The following GLG1 variants were observed in gnomAD, a reference collection of about 807,000 sequenced individuals.
GLG1 encodes Golgi apparatus protein 1.
Under a neutral mutation model 160.5 loss-of-function variants are expected in GLG1, and 38 were observed. The observed-to-expected ratio is 0.24, with a 90% CI of 0.18 to 0.31. The LOEUF is 0.31. Ranked by LOEUF, GLG1 falls within the 10% of genes least tolerant of loss-of-function variation. The probability of loss-of-function intolerance (pLI) is 1.00; values close to 1 mark genes in which losing one functional copy is unlikely to be tolerated. For missense variants in GLG1, 1,373 were observed against 1,505.2 expected, an observed-to-expected ratio of 0.91 and a Z score of 1.45; for synonymous variants, 644 against 543.4, an observed-to-expected ratio of 1.19 and a Z score of -2.57.
chr16:74,567,517 T>C (rs543648971), intron 1 of GLG1, among the ~76,000 whole-genome samples: 9 of 151,768 alleles, frequency 5.9e-5, no homozygotes, highest in African/African-American at 2.2e-4. Flanking sequence ...AAATCACTGC[T>C]TCCTGTGCTG....
In GLG1 at chr16:74,453,351, C is replaced by G. The variant is rs1049926154; in HGVS notation, c.3373-17G>C. ...TGGGGCCACCTAGAATGACACAAGG[C>G]AATGTGATTCTCTGAGAGAGCACTG... On this transcript the variant is annotated splice_polypyrimidine_tract_variant and intron_variant, in intron 25 of 25. Transcript: ENST00000422840. The G allele has an allele frequency of 6.4e-7, 1 of 1,574,656 alleles. No individual in the cohort carries two copies. Among genetic ancestry groups the G allele is most frequent in the Admixed American group, 1.7e-5 (1 of 59,658 alleles).
intron 1 of GLG1, among the ~76,000 whole-genome samples, chr16:74,554,255 C>G (rs1036058880): frequency 2.6e-5 from 4 of 152,192 alleles, no homozygotes; most frequent in African/African-American, 9.7e-5. Flanking sequence ...GGAGGAGAGC[C>G]AGGCGCCGTG....
Position 74,451,916 on chromosome 16 carries a change from T to C in GLG1, c.*1251A>G, listed in dbSNP as rs1258161607. The C allele has an allele frequency of 1.5e-6, 1 of 660,022 alleles. No homozygotes were observed. The highest frequency in any genetic ancestry group is 2.7e-6 in the Non-Finnish European group (1 of 364,986). 40.9% of individuals were successfully genotyped at this position (660,022 alleles called of 1,614,324 possible). ...AACATTTAGCCAATGCCTACTAGAG[T>C]GGGTACACGCAGCAAATGGACAGAA... On this transcript the variant is annotated 3_prime_UTR_variant, in exon 26 of 26. Coordinates refer to ENST00000422840, the MANE Select transcript of GLG1 (RefSeq NM_001145667.2).
Position 74,448,428 on chromosome 16 carries a change from A to G in GLG1, c.*4739T>C, listed in dbSNP as rs2014151850. 1 of 152,208 alleles carries G rather than the reference A, an allele frequency of 6.6e-6. No individual in the cohort carries two copies. The highest frequency in any genetic ancestry group is 2.4e-5 in the African/African-American group (1 of 41,452). The allele number at this position is 152,208 out of a possible 1,614,324, so 9.4% of individuals were successfully genotyped here. On this transcript the variant is annotated 3_prime_UTR_variant, in exon 26 of 26. Transcript: ENST00000422840. Reference sequence around the variant, plus strand: ...GGTGCTGCCCAAATGGTGAGAAATAAAAGGAAGCATTCTGGCCTTTCAGGT... The same window carrying G: ...GGTGCTGCCCAAATGGTGAGAAATAGAAGGAAGCATTCTGGCCTTTCAGGT...
At chr16:74,456,304 G>C (rs1427882208) in intron 25 of GLG1, among the ~76,000 whole-genome samples, 2 of 152,208 alleles carry the variant, frequency 1.3e-5, no homozygotes, top group Non-Finnish European at 2.9e-5. Context: ...GGCAGCCAAG[G>C]AATTCTAAAA....
At position 74,512,453 on chromosome 16, in the gene GLG1, T is replaced by C. The variant is rs138803845; in HGVS notation, c.472-3528A>G. ...TACATTTTTGAATTTTTAGTAGAGATGGGGTTTCACCATGTTGGCCAGGAT... is the reference window on the plus strand; with the variant it reads ...TACATTTTTGAATTTTTAGTAGAGACGGGGTTTCACCATGTTGGCCAGGAT... On this transcript the variant is annotated intron_variant, in intron 2 of 25. Transcript: ENST00000422840. 7.7e-3 allele frequency among the ~76,000 whole-genome samples: 1,171 copies of C among 151,966 alleles called. 16 individuals are homozygous for C. The highest frequency in any genetic ancestry group is 0.026 in the African/African-American group (1,096 of 41,476).
At chr16:74,490,875 AT>A in intron 8 of GLG1, 125 bp downstream of exon 8, 2 of 673,320 alleles carry the variant, frequency 3.0e-6, no homozygotes, top group South Asian at 3.7e-5. Context: ...GTCTCTGATC[AT>A]TAGTACCTAA....
At position 74,450,525 on chromosome 16, in the gene GLG1, C is replaced by A. The variant is rs1387824060; in HGVS notation, c.*2642G>T. On this transcript the variant is annotated 3_prime_UTR_variant, in exon 26 of 26. Coordinates refer to ENST00000422840, the MANE Select transcript of GLG1 (RefSeq NM_001145667.2). The stretch of plus-strand genomic sequence containing the variant: ...TAAGTAATTGAAGATACTGGCAGAG[C>A]TAACTTTTCTATTCTGACCATTTAT... 1 of 152,204 alleles carries A rather than the reference C, an allele frequency of 6.6e-6. No individual in the cohort carries two copies. The highest frequency in any genetic ancestry group is 1.5e-5 in the Non-Finnish European group (1 of 68,036). The allele number at this position is 152,204 out of a possible 1,614,324, so 9.4% of individuals were successfully genotyped here.
chr16:74,532,190 AAAAATAT>A, intron 1 of GLG1, 37 bp from the exon 2 acceptor site: 4 of 638,846 alleles, frequency 6.3e-6, no homozygotes, highest in Non-Finnish European at 4.3e-6. Context: ...ATGTAAAAAA[AAAAATAT>A]ATATATATAT....
intron 1 of GLG1, among the ~76,000 whole-genome samples, chr16:74,594,839 T>C (rs1400366108): frequency 6.6e-6 from 1 of 152,140 alleles, no homozygotes; most frequent in Non-Finnish European, 1.5e-5. Context: ...GGGTAAATCC[T>C]CTGGGTAAAG....
intron 1 of GLG1, among the ~76,000 whole-genome samples, chr16:74,568,152 A>G (rs1025199261): frequency 3.9e-5 from 6 of 152,328 alleles, no homozygotes; most frequent in South Asian, 2.1e-4. Flanking sequence ...AGACTGTGAA[A>G]GAAGCCAGCC....
At chr16:74,457,837 A>C (rs1376243631) in intron 24 of GLG1, 37 bp downstream of exon 24, 2 of 1,602,982 alleles carry the variant, frequency 1.2e-6, no homozygotes, top group South Asian at 1.1e-5. Flanking sequence ...TTCCCAAGAG[A>C]GTTCAGACAG....
chr16:74,592,404 C>G (rs1958205318), intron 1 of GLG1, among the ~76,000 whole-genome samples: 1 of 152,054 alleles, frequency 6.6e-6, no homozygotes, highest in Non-Finnish European at 1.5e-5. Context: ...TTGGCCTCCC[C>G]AAGTGCTGAG....
intron 7 of GLG1, 37 bp from the exon 8 acceptor site, chr16:74,491,252 G>A (rs1160241068): frequency 2.8e-6 from 4 of 1,408,532 alleles, no homozygotes; most frequent in Non-Finnish European, 4.0e-6. Context: ...TACGAAGGGT[G>A]ATGCTATGTA....
intron 1 of GLG1, among the ~76,000 whole-genome samples, chr16:74,532,588 A>G (rs1236814220): frequency 3.9e-5 from 6 of 152,036 alleles, no homozygotes; most frequent in Non-Finnish European, 7.4e-5. Flanking sequence ...CAGTGGCGCA[A>G]TCATGGCTCA....
rs1954718920 is a variant in GLG1, at chr16:74,491,192, G to A, written c.1258C>T (p.Gln420Ter). The part of the protein sequence containing the change: ...HRGRQVSSEC[Q>*]GEMLDYRRML... ...CGTCGGTAATCCAGCATCTCCCCCT[G>A]GCACTCACTGCTGACTTGTCGCCCT... The change falls in exon 8 of 26, where the codon CAG (glutamine) becomes TAG (stop). Residue 420 changes from glutamine (Q) to a stop codon, truncating the protein, a stop_gained. Coordinates refer to ENST00000422840, the MANE Select transcript of GLG1 (RefSeq NM_001145667.2). LOFTEE classifies it high-confidence loss of function. 1 of 1,613,644 alleles carries A rather than the reference G, an allele frequency of 6.2e-7. No homozygotes were observed. The highest frequency in any genetic ancestry group is 1.1e-5 in the South Asian group (1 of 91,058).
chr16:74,486,028 T>A, intron 8 of GLG1, 111 bp from the exon 9 acceptor site: 1 of 780,444 alleles, frequency 1.3e-6, no homozygotes, highest in Non-Finnish European at 2.1e-6. Flanking sequence ...TGTACTCCAA[T>A]AAAGTTGTCT....
chr16:74,558,748 G>A (rs2018421147), intron 1 of GLG1, among the ~76,000 whole-genome samples: 1 of 152,184 alleles, frequency 6.6e-6, no homozygotes, highest in Non-Finnish European at 1.5e-5. Flanking sequence ...GTTTCATGGT[G>A]GATTAGAATA....
At chr16:74,454,927 G>C (rs1054096660) in intron 25 of GLG1, among the ~76,000 whole-genome samples, 19 of 151,648 alleles carry the variant, frequency 1.3e-4, no homozygotes, top group African/African-American at 4.4e-4. Flanking sequence ...ACATAGCCAA[G>C]ACCTTGTCTC....
Sources: allele counts gnomAD v4.1 joint callset (sites outside exome capture counted in the v4.1 genomes callset), GRCh38; gene constraint gnomAD v4.1.1; transcripts MANE v1.5; gene names NCBI Gene and HGNC (gene_info 2026-07-23, HGNC 2026-07-21).